The following TACC2 variants were observed in gnomAD, a reference collection of about 807,000 sequenced individuals.
TACC2 encodes transforming acidic coiled-coil containing protein 2.
In TACC2, 137 loss-of-function variants were observed where a neutral mutation model predicts 227.3. The ratio of observed to expected loss-of-function variants is 0.60; its 90% CI spans 0.52 to 0.69. TACC2 has a LOEUF of 0.69. Ranked by LOEUF, TACC2 falls within the 30% of genes least tolerant of loss-of-function variation. TACC2 has a pLI of 0.00. For missense variants in TACC2, 3,470 were observed against 3,694.4 expected (o/e 0.94, Z 1.57); for synonymous variants, 1,523 against 1,487.5 (o/e 1.02, Z -0.55).
chr10:122,103,700 G>A (rs1321834461), intron 5 of TACC2, among the ~76,000 whole-genome samples: 1 of 152,184 alleles, frequency 6.6e-6, no homozygotes, highest in Non-Finnish European at 1.5e-5. Flanking sequence ...CTGAGATACT[G>A]TCCTGTGGGA....
intron 1 of TACC2, among the ~76,000 whole-genome samples, chr10:121,996,968 G>A (rs993488206): frequency 2.0e-5 from 3 of 152,046 alleles, no homozygotes; most frequent in African/African-American, 4.8e-5. Flanking sequence ...TGGCTTCACT[G>A]AGAGGGTGGG....
chr10:122,075,498 G>A (rs1045741266), intron 3 of TACC2, among the ~76,000 whole-genome samples: 5 of 152,192 alleles, frequency 3.3e-5, no homozygotes, highest in South Asian at 2.1e-4. Context: ...TCACCACTCG[G>A]AGAAATCTCC....
intron 1 of TACC2, among the ~76,000 whole-genome samples, chr10:122,016,594 C>A (rs1357485360): frequency 6.6e-6 from 1 of 151,638 alleles, no homozygotes; most frequent in African/African-American, 2.4e-5. Flanking sequence ...AAGTCAGTCC[C>A]TGCACACCTG....
At position 122,083,691 on chromosome 10, in the gene TACC2, C is replaced by T. The variant is rs537032352; in HGVS notation, c.1191C>T (p.Pro397=). 2.5e-5 allele frequency: 40 copies of T among 1,612,802 alleles called. No individual in the cohort carries two copies. The highest frequency in any genetic ancestry group is 1.6e-4 in the Middle Eastern group (1 of 6,084). Residue 397 remains proline, a synonymous_variant, in exon 4 of 23, where the codon CCC becomes CCT. Coordinates refer to ENST00000369005, the MANE Select transcript of TACC2 (RefSeq NM_206862.4). ...QVVCVAAGGQ[P]EGGLPVSPEP... ...TCTGTGTGGCAGCAGGCGGCCAGCCCGAAGGGGGTTTGCCTGTGAGCCCTG... is the reference window on the plus strand; with the variant it reads ...TCTGTGTGGCAGCAGGCGGCCAGCCTGAAGGGGGTTTGCCTGTGAGCCCTG...
At chr10:122,064,226 T>A (rs2077153402) in intron 3 of TACC2, among the ~76,000 whole-genome samples, 1 of 137,018 alleles carries the variant, frequency 7.3e-6, no homozygotes, top group Non-Finnish European at 1.7e-5. Context: ...ACTTTAAAAA[T>A]AATTAATAGG....
In TACC2 at chr10:122,238,854, C is replaced by T. The variant is rs570983889; in HGVS notation, c.8348+817C>T. Among the ~76,000 whole-genome samples, 12 of 152,228 alleles carry T rather than the reference C, an allele frequency of 7.9e-5. No homozygotes were observed. The South Asian group carries it at 1.5e-3, about 18-fold the overall frequency. On this transcript the variant is annotated intron_variant, in intron 18 of 22. Transcript: ENST00000369005. ...TTAATGGTCCATTGTATGGATATAA[C>T]GTAATTAATTTAAACAGTCTCTGTG...
rs151285067 is a variant in TACC2, at chr10:122,233,528, A to G, written c.8127+3088A>G. On this transcript the variant is annotated intron_variant, in intron 16 of 22. Transcript: ENST00000369005. ...GAAGAGGCCGATGCCTGGAGCTTAC[A>G]TGAGCAAGAGAAGGAGTTGGGGCCA... Among the ~76,000 whole-genome samples the G allele has an allele frequency of 6.9e-3, 1,054 of 152,320 alleles. 12 individuals carry two copies. The highest frequency in any genetic ancestry group is 7.6e-3 in the Non-Finnish European group (518 of 68,024).
chr10:122,242,915 G>A (rs1474001261), intron 19 of TACC2, among the ~76,000 whole-genome samples: 11 of 152,098 alleles, frequency 7.2e-5, no homozygotes, highest in African/African-American at 1.2e-4. Flanking sequence ...ATTACAAGGC[G>A]TGAGCTACCA....
chr10:122,125,398 G>C (rs1429244712), intron 5 of TACC2, among the ~76,000 whole-genome samples: 1 of 151,532 alleles, frequency 6.6e-6, no homozygotes, highest in Non-Finnish European at 1.5e-5. Context: ...ATTGGGTTTT[G>C]CTATGTTGCT....
chr10:122,000,382 A>T (rs553156626), intron 1 of TACC2, among the ~76,000 whole-genome samples: 129 of 152,308 alleles, frequency 8.5e-4, no homozygotes, highest in African/African-American at 3.0e-3. Context: ...CTGTCTCAAA[A>T]AAAAGAGAGA....
At chr10:122,240,207 C>T (rs1009336199) in intron 18 of TACC2, among the ~76,000 whole-genome samples, 5 of 152,302 alleles carry the variant, frequency 3.3e-5, no homozygotes, top group South Asian at 2.1e-4. Flanking sequence ...CAAAAGGACA[C>T]GTCCCTTACC....
intron 13 of TACC2, among the ~76,000 whole-genome samples, chr10:122,227,395 G>A (rs989414699): frequency 6.6e-6 from 1 of 152,182 alleles, no homozygotes; most frequent in African/African-American, 2.4e-5. Flanking sequence ...GCTGCCCAGG[G>A]TGGTGAGAAC....
At chr10:122,156,493 G>A (rs751091249) in intron 7 of TACC2, among the ~76,000 whole-genome samples, 4 of 152,058 alleles carry the variant, frequency 2.6e-5, no homozygotes, top group African/African-American at 4.8e-5. Flanking sequence ...CAAAGTGCTG[G>A]GATTACAGGC....
chr10:122,115,301 TGTGTGTGTGTGTGTGTGTGA>T (rs1393741372), intron 5 of TACC2, among the ~76,000 whole-genome samples: 17 of 11,630 alleles, frequency 1.5e-3, no homozygotes, highest in East Asian at 0.071. Flanking sequence ...TGTGTGTGTG[TGTGTGTGTGTGTGTGTGTGA>T]GATACCTGAG....
chr10:122,115,240 C>T (rs912407165), intron 5 of TACC2, among the ~76,000 whole-genome samples: 1 of 152,010 alleles, frequency 6.6e-6, no homozygotes, highest in Non-Finnish European at 1.5e-5. Flanking sequence ...TTGAATGACA[C>T]AGCCCCCACC....
At chr10:122,022,891 CTT>C (rs1165667362) in intron 2 of TACC2, 1 of 152,194 alleles carries the variant, frequency 6.6e-6, no homozygotes, top group Non-Finnish European at 1.5e-5. Flanking sequence ...AAAGTTTTAA[CTT>C]AATGCGTTGG....
chr10:122,169,875 C>T (rs1404742448), intron 7 of TACC2, among the ~76,000 whole-genome samples: 4 of 152,032 alleles, frequency 2.6e-5, no homozygotes, highest in South Asian at 4.2e-4. Context: ...CTCAGCCTCC[C>T]GAGTAGCTGG....
Position 122,086,354 on chromosome 10 carries a change from A to G in TACC2, c.3854A>G (p.Lys1285Arg). The G allele has an allele frequency of 6.2e-7, 1 of 1,613,692 alleles. No homozygotes were observed. The highest frequency in any genetic ancestry group is 2.2e-5 in the East Asian group (1 of 44,868). The change falls in exon 4 of 23, where the codon AAG (lysine) becomes AGG (arginine). Residue 1285 changes from lysine (K) to arginine (R), a missense_variant. By Grantham distance (26) the Lys-to-Arg change is conservative. Around this residue, in one of 10 missense-constraint regions of TACC2, gnomAD observed 1,924 missense variants for 1,978.3 expected, o/e 0.97. Coordinates refer to ENST00000369005, the MANE Select transcript of TACC2 (RefSeq NM_206862.4). ...GCCTTGGAAAATGCTGCCTCCTTGA[A>G]GCTGTTTGCTGGCTCCCTCGCCCCC... ...PLALENAASL[K>R]LFAGSLAPLL...
intron 10 of TACC2, among the ~76,000 whole-genome samples, chr10:122,216,252 G>C (rs1209477565): frequency 6.6e-6 from 1 of 152,196 alleles, no homozygotes; most frequent in African/African-American, 2.4e-5. Flanking sequence ...TCCAGGGACT[G>C]ATGAGATGCT....
Sources: allele counts gnomAD v4.1 joint callset (sites outside exome capture counted in the v4.1 genomes callset), GRCh38; gene constraint gnomAD v4.1.1; regional missense constraint gnomAD v4.1.1; transcripts MANE v1.5; gene names NCBI Gene and HGNC (gene_info 2026-07-23, HGNC 2026-07-21).